NXPH1: variants seen among roughly 807,000 people sequenced by gnomAD.
The protein encoded by NXPH1 is neurexophilin-1.
In NXPH1, 5 loss-of-function variants were observed where a neutral mutation model predicts 23.7. The ratio of observed to expected loss-of-function variants is 0.21; its 90% CI spans 0.11 to 0.44. The LOEUF (loss-of-function observed/expected upper bound fraction) is 0.44. Ranked by LOEUF, NXPH1 falls within the 20% of genes least tolerant of loss-of-function variation. The probability of loss-of-function intolerance (pLI) is 0.99; values close to 1 mark genes in which losing one functional copy is unlikely to be tolerated. For missense variants in NXPH1, 324 were observed against 321.6 expected, an observed-to-expected ratio of 1.01 and a Z score of -0.06; for synonymous variants, 144 against 122.2, an observed-to-expected ratio of 1.18 and a Z score of -1.18.
chr7:8,566,615 A>G (rs1039758619), intron 2 of NXPH1, among the ~76,000 whole-genome samples: 1 of 151,862 alleles, frequency 6.6e-6, no homozygotes, highest in African/African-American at 2.4e-5. Context: ...CTAGGACCCC[A>G]GGTCCTCCAT....
chr7:8,552,620 A>G (rs930884902), intron 2 of NXPH1, among the ~76,000 whole-genome samples: 1 of 151,532 alleles, frequency 6.6e-6, no homozygotes, highest in African/African-American at 2.4e-5. Context: ...TTCACTCTAA[A>G]ATGGGCAATC....
chr7:8,711,451 C>T (rs1451570650), intron 2 of NXPH1, among the ~76,000 whole-genome samples: 1 of 152,130 alleles, frequency 6.6e-6, no homozygotes, highest in Non-Finnish European at 1.5e-5. Flanking sequence ...CAAGTTTTCT[C>T]TTTGGAAGCT....
At chr7:8,541,544 A>G (rs1282520694) in intron 2 of NXPH1, among the ~76,000 whole-genome samples, 1 of 151,670 alleles carries the variant, frequency 6.6e-6, no homozygotes, top group Admixed American at 6.6e-5. Context: ...CAAATTTATC[A>G]AAACCAGTGA....
intron 2 of NXPH1, among the ~76,000 whole-genome samples, chr7:8,715,999 A>G (rs1359447269): frequency 6.6e-6 from 1 of 152,156 alleles, no homozygotes; most frequent in Non-Finnish European, 1.5e-5. Context: ...ATATGTGTAC[A>G]TATATGTATA....
chr7:8,502,124 C>A (rs1817447075), intron 2 of NXPH1, among the ~76,000 whole-genome samples: 1 of 151,988 alleles, frequency 6.6e-6, no homozygotes, highest in African/African-American at 2.4e-5. Context: ...GTGTAAGTCA[C>A]TTAACCTCTT....
chr7:8,653,384 C>G (rs187821575), intron 2 of NXPH1, among the ~76,000 whole-genome samples: 7 of 152,280 alleles, frequency 4.6e-5, no homozygotes, highest in African/African-American at 1.7e-4. Flanking sequence ...TGTGGCATTG[C>G]TCCATATCCT....
intron 2 of NXPH1, among the ~76,000 whole-genome samples, chr7:8,739,411 A>G (rs550738256): frequency 9.9e-5 from 15 of 151,908 alleles, no homozygotes; most frequent in Admixed American, 5.9e-4. Context: ...GAGTTCCCTG[A>G]CCCCTTGTGC....
At chr7:8,636,873 G>A (rs777126200) in intron 2 of NXPH1, among the ~76,000 whole-genome samples, 2 of 152,264 alleles carry the variant, frequency 1.3e-5, no homozygotes, top group Admixed American at 6.5e-5. Context: ...TTTAACTAGT[G>A]AAATGTTCAA....
intron 2 of NXPH1, among the ~76,000 whole-genome samples, chr7:8,729,052 C>T (rs1207437461): frequency 1.3e-5 from 2 of 152,002 alleles, no homozygotes; most frequent in Non-Finnish European, 2.9e-5. Flanking sequence ...TCAACTTCTT[C>T]CTGGTTTAGT....
intron 2 of NXPH1, among the ~76,000 whole-genome samples, chr7:8,638,528 G>A (rs80352133): frequency 0.044 from 6,685 of 152,254 alleles, 333 homozygotes; most frequent in East Asian, 0.17. Context: ...TTTAAAGAAA[G>A]AGAATGGTGA....
At chr7:8,607,568 C>T (rs1415276985) in intron 2 of NXPH1, among the ~76,000 whole-genome samples, 1 of 152,160 alleles carries the variant, frequency 6.6e-6, no homozygotes, top group African/African-American at 2.4e-5. Context: ...CTCAGGTTAA[C>T]TCTGGCAAAT....
intron 2 of NXPH1, among the ~76,000 whole-genome samples, chr7:8,744,883 C>T (rs919733552): frequency 2.6e-5 from 4 of 152,166 alleles, no homozygotes; most frequent in African/African-American, 7.2e-5. Context: ...TGTTTTGGTT[C>T]AGGTTCACTT....
chr7:8,679,036 C>T (rs1404058244), intron 2 of NXPH1, among the ~76,000 whole-genome samples: 2 of 147,980 alleles, frequency 1.4e-5, no homozygotes, highest in African/African-American at 5.0e-5. Flanking sequence ...CAAGCTCCGC[C>T]TCCCGGGTTC....
At chr7:8,456,363 C>A (rs1014068208) in intron 2 of NXPH1, among the ~76,000 whole-genome samples, 2 of 152,130 alleles carry the variant, frequency 1.3e-5, no homozygotes, top group African/African-American at 4.8e-5. Flanking sequence ...ATCACTATTT[C>A]TTGATTCTAA....
At chr7:8,594,606 G>A (rs756538697) in intron 2 of NXPH1, among the ~76,000 whole-genome samples, 3 of 151,976 alleles carry the variant, frequency 2.0e-5, no homozygotes, top group East Asian at 1.9e-4. Flanking sequence ...TCTGACCTCC[G>A]CAGCTGGCTT....
At chr7:8,733,145 T>C (rs13238634) in intron 2 of NXPH1, among the ~76,000 whole-genome samples, 21,770 of 152,200 alleles carry the variant, frequency 0.14, 1,731 homozygotes, top group South Asian at 0.21. Flanking sequence ...TTTCTGTTCC[T>C]GTGTTAGTTT....
chr7:8,461,843 A>AAAAAAAGAAAAAAAAAG (rs1554423594), intron 2 of NXPH1, among the ~76,000 whole-genome samples: 1 of 121,452 alleles, frequency 8.2e-6, no homozygotes, highest in African/African-American at 3.0e-5. Flanking sequence ...TCTCAAAAAA[A>AAAAAAAGAAAAAAAAAG]AAAAAAAAGA....
intron 2 of NXPH1, among the ~76,000 whole-genome samples, chr7:8,535,453 T>TGGATAATGAG (rs1818012967): frequency 6.6e-6 from 1 of 151,990 alleles, no homozygotes. Flanking sequence ...TGACCTGGAT[T>TGGATAATGAG]CCTATCACGT....
At chr7:8,549,005 A>G (rs1818236719) in intron 2 of NXPH1, among the ~76,000 whole-genome samples, 1 of 151,576 alleles carries the variant, frequency 6.6e-6, no homozygotes, top group South Asian at 2.1e-4. Context: ...ATTTTGAAGT[A>G]AAAGCTGTTG....
Sources: allele counts gnomAD v4.1 joint callset (sites outside exome capture counted in the v4.1 genomes callset), GRCh38; gene constraint gnomAD v4.1.1; transcripts MANE v1.5; gene names NCBI Gene and HGNC (gene_info 2026-07-23, HGNC 2026-07-21).